Variants in ZNF664 observed in about 807,000 individuals in gnomAD.
The protein encoded by ZNF664 is zinc finger protein 664.
In ZNF664, 10 loss-of-function variants were observed where a neutral mutation model predicts 18.2. The ratio of observed to expected loss-of-function variants is 0.55; its 90% CI spans 0.34 to 0.93. The LOEUF (loss-of-function observed/expected upper bound fraction) is 0.93, where lower values mean the gene tolerates loss of function less well. Ranked by LOEUF, ZNF664 falls within the 40% of genes least tolerant of loss-of-function variation. The pLI is 0.02. For missense variants in ZNF664, 193 were observed against 319.0 expected (o/e 0.61, Z 3.01); for synonymous variants, 119 against 104.2 (o/e 1.14, Z -0.86).
intron 1 of ZNF664, chr12:123,973,609 G>GGA: frequency 2.4e-6 from 1 of 422,940 alleles, no homozygotes; most frequent in Non-Finnish European, 3.2e-6. Flanking sequence ...GGGGGAGCGG[G>GGA]GCCGGGGGGC....
rs11549100 is a variant in ZNF664, at chr12:124,014,784, A to G, written c.*1854A>G. Reference sequence around the variant, plus strand: ...TAACTAAAACCTCAGCGCATAAAGGAGATTTAAAAGGAGCACATGATTTAG... The same window carrying G: ...TAACTAAAACCTCAGCGCATAAAGGGGATTTAAAAGGAGCACATGATTTAG... On this transcript the variant is annotated 3_prime_UTR_variant, in exon 5 of 5. Transcript: ENST00000337815. The G allele has an allele frequency of 6.0e-6, 1 of 166,350 alleles. No homozygotes were observed. Among genetic ancestry groups the G allele is most frequent in the African/African-American group, 2.4e-5 (1 of 41,442 alleles). 10.3% of individuals were successfully genotyped at this position (166,350 alleles called of 1,614,324 possible). A position where few individuals can be genotyped will look rare whatever the true frequency, so the allele number is the denominator to read the frequency against.
intron 2 of ZNF664, among the ~76,000 whole-genome samples, chr12:123,987,142 A>C (rs1594550348): frequency 6.6e-6 from 1 of 152,168 alleles, no homozygotes; most frequent in Non-Finnish European, 1.5e-5. Flanking sequence ...CTTTCACATA[A>C]TCCTTTCCCC....
chr12:123,977,919 AGAG>A (rs1956715244), intron 2 of ZNF664, among the ~76,000 whole-genome samples: 1 of 152,232 alleles, frequency 6.6e-6, no homozygotes, highest in Non-Finnish European at 1.5e-5. Context: ...ACATCTGGAA[AGAG>A]GAGTTTTACA....
chr12:123,974,535 T>A (rs1301720722), intron 2 of ZNF664: 1 of 152,304 alleles, frequency 6.6e-6, no homozygotes, highest in Non-Finnish European at 1.5e-5. Context: ...TAATTAAAAA[T>A]TTAAAAATTA....
chr12:124,010,009 G>A (rs1014912892), intron 3 of ZNF664, among the ~76,000 whole-genome samples: 9 of 151,528 alleles, frequency 5.9e-5, no homozygotes, highest in African/African-American at 2.2e-4. Flanking sequence ...GTTCCCTATC[G>A]ATGGCCTTCG....
At chr12:123,985,990 C>T (rs1212277582) in intron 2 of ZNF664, among the ~76,000 whole-genome samples, 1 of 151,774 alleles carries the variant, frequency 6.6e-6, no homozygotes, top group Non-Finnish European at 1.5e-5. Context: ...TTTTTCAGAT[C>T]TGAAACATTT....
Position 124,012,779 on chromosome 12 carries a change from C to A in ZNF664, c.635C>A (p.Ser212Ter), listed in dbSNP as rs1254681742. ...CGCGKAFSQS[S>*]SLCIHQRVHT... ...TGTGGGAAGGCCTTCAGTCAGAGTT[C>A]GAGCCTGTGCATCCACCAGAGAGTC... The change falls in exon 5 of 5, where the codon TCG (serine) becomes TAG (stop). Residue 212 changes from serine (S) to a stop codon, truncating the protein, a stop_gained. Transcript: ENST00000337815. LOFTEE classifies it high-confidence loss of function. 6.2e-7 allele frequency: 1 copy of A among 1,612,892 alleles called. No individual in the cohort carries two copies. The highest frequency in any genetic ancestry group is 1.1e-5 in the South Asian group (1 of 90,894).
chr12:124,006,666 G>C (rs144457781), intron 3 of ZNF664, among the ~76,000 whole-genome samples: 2 of 152,250 alleles, frequency 1.3e-5, no homozygotes, highest in African/African-American at 4.8e-5. Flanking sequence ...ATTTGAGGTA[G>C]ATGGGCTAAA....
intron 3 of ZNF664, among the ~76,000 whole-genome samples, chr12:124,009,724 C>T (rs1957112629): frequency 1.3e-5 from 2 of 152,154 alleles, no homozygotes; most frequent in South Asian, 4.1e-4. Flanking sequence ...CTATGTTGCC[C>T]AGGCTGGTCT....
chr12:123,985,652 A>G (rs1337232643), intron 2 of ZNF664, among the ~76,000 whole-genome samples: 1 of 152,164 alleles, frequency 6.6e-6, no homozygotes, highest in Non-Finnish European at 1.5e-5. Flanking sequence ...GTGGGATTTG[A>G]CCTCTCACTT....
chr12:124,011,326 A>G, intron 3 of ZNF664, 55 bp from the exon 4 acceptor site: 1 of 963,448 alleles, frequency 1.0e-6, no homozygotes, highest in Non-Finnish European at 1.2e-6. Context: ...TTGTAATTGG[A>G]TTATATACTT....
intron 2 of ZNF664, among the ~76,000 whole-genome samples, chr12:123,976,126 T>G (rs575805415): frequency 6.6e-5 from 10 of 152,206 alleles, no homozygotes; most frequent in African/African-American, 2.4e-4. Context: ...TTGAAGCTTA[T>G]GATTTGTGAG....
At chr12:123,977,313 A>C (rs1019989103) in intron 2 of ZNF664, among the ~76,000 whole-genome samples, 1 of 152,130 alleles carries the variant, frequency 6.6e-6, no homozygotes, top group Non-Finnish European at 1.5e-5. Flanking sequence ...CTCTAAAATG[A>C]AGGGAAATAT....
intron 3 of ZNF664, among the ~76,000 whole-genome samples, chr12:124,006,617 C>T (rs1445965864): frequency 6.6e-6 from 1 of 152,172 alleles, no homozygotes; most frequent in Non-Finnish European, 1.5e-5. Context: ...TCACAAACTA[C>T]AGGGAGAGAG....
chr12:123,977,942 G>C (rs971617243), intron 2 of ZNF664, among the ~76,000 whole-genome samples: 3 of 152,106 alleles, frequency 2.0e-5, no homozygotes, highest in Admixed American at 1.3e-4. Flanking sequence ...ATGCTAAGGT[G>C]GATGGAGCAC....
chr12:123,973,290 C>A lies in ZNF664; in HGVS notation c.-954C>A, dbSNP rs1376311250. ...TCGGAGGCGCACCTGTGAGGTGTCC[C>A]TGAGGAGAGGGAGGTGGGTGCGCGG... On this transcript the variant is annotated 5_prime_UTR_variant, in exon 1 of 5. It adds an upstream start codon to the 5' untranslated region. Coordinates refer to ENST00000337815, the MANE Select transcript of ZNF664 (RefSeq NM_152437.3). The A allele has an allele frequency of 1.0e-6, 1 of 984,392 alleles. No individual in the cohort carries two copies. Among genetic ancestry groups the A allele is most frequent in the Non-Finnish European group, 1.2e-6 (1 of 830,306 alleles). The allele number at this position is 984,392 out of a possible 1,614,324, so 61.0% of individuals were successfully genotyped here.
At chr12:124,010,607 G>A (rs975061867) in intron 3 of ZNF664, among the ~76,000 whole-genome samples, 2 of 152,196 alleles carry the variant, frequency 1.3e-5, no homozygotes, top group Admixed American at 1.3e-4. Flanking sequence ...GTGTCCTGAA[G>A]TACTCTATAG....
At chr12:123,977,329 G>A (rs1956705703) in intron 2 of ZNF664, among the ~76,000 whole-genome samples, 1 of 152,056 alleles carries the variant, frequency 6.6e-6, no homozygotes, top group African/African-American at 2.4e-5. Context: ...AATATTTGTA[G>A]ATGCTATTGA....
chr12:124,008,822 G>A (rs1307270388), intron 3 of ZNF664, among the ~76,000 whole-genome samples: 2 of 151,946 alleles, frequency 1.3e-5, no homozygotes, highest in Admixed American at 6.5e-5. Flanking sequence ...CTTTGGCACG[G>A]CCCTCTTGCT....
Sources: allele counts gnomAD v4.1 joint callset (sites outside exome capture counted in the v4.1 genomes callset), GRCh38; gene constraint gnomAD v4.1.1; transcripts MANE v1.5; gene names NCBI Gene and HGNC (gene_info 2026-07-23, HGNC 2026-07-21).